CCDC69: variants seen among roughly 807,000 people sequenced by gnomAD.
CCDC69 encodes coiled-coil domain-containing protein 69.
A neutral mutation model predicts 40.3 loss-of-function variants in CCDC69; 38 were observed. The observed-to-expected ratio is 0.94, with a 90% confidence interval of 0.73 to 1.24. The LOEUF (loss-of-function observed/expected upper bound fraction) is 1.24. Among genes scored for constraint, CCDC69 ranks in the 50% most tolerant of loss-of-function variants. The pLI is 0.00. For missense variants in CCDC69, 389 were observed against 357.9 expected (o/e 1.09, Z -0.70); for synonymous variants, 141 against 138.9 (o/e 1.02, Z -0.11).
intron 1 of CCDC69, among the ~76,000 whole-genome samples, chr5:151,219,718 A>C (rs1167697926): frequency 6.6e-6 from 1 of 152,208 alleles, no homozygotes; most frequent in Non-Finnish European, 1.5e-5. Flanking sequence ...GCTATCTCTT[A>C]ATTGTGAGAT....
intron 2 of CCDC69, among the ~76,000 whole-genome samples, chr5:151,201,932 T>G (rs970066741): frequency 6.6e-6 from 1 of 151,978 alleles, no homozygotes; most frequent in Non-Finnish European, 1.5e-5. Context: ...GCCTCAAGAA[T>G]GATTTCGAGT....
intron 1 of CCDC69, among the ~76,000 whole-genome samples, chr5:151,207,116 G>C (rs897883143): frequency 6.6e-6 from 1 of 151,670 alleles, no homozygotes; most frequent in Non-Finnish European, 1.5e-5. Flanking sequence ...ATGGGGTTTC[G>C]CCATGTTGGC....
chr5:151,223,847 G>T lies in CCDC69; in HGVS notation c.48+76C>A, dbSNP rs1561607585. ...GGGCCGACCAGAGAGAGCCCGGGGC[G>T]CCGAGTCCTCTGCGGCGGAGCGATT... On this transcript the variant is annotated intron_variant, in intron 1 of 8. Coordinates refer to ENST00000355417, the MANE Select transcript of CCDC69 (RefSeq NM_015621.3). 9.7e-6 allele frequency: 14 copies of T among 1,442,052 alleles called. No homozygotes were observed. The South Asian group carries it at 1.3e-4, about 13-fold the overall frequency. 89.3% of individuals were successfully genotyped at this position (1,442,052 alleles called of 1,614,324 possible).
Position 151,184,395 on chromosome 5 carries a change from T to C in CCDC69, c.662A>G (p.Gln221Arg). Residue 221 changes from glutamine to arginine, a missense_variant, in exon 8 of 9, where the codon CAG (glutamine) becomes CGG (arginine). Transcript: ENST00000355417. ...ILEEKITTLQ[Q>R]ENEDLHVRSR... The stretch of plus-strand genomic sequence containing the variant: ...TCGGACATGGAGGTCCTCATTTTCC[T>C]GTTGCAGGGTCGTAATTTTTTCCTC... The C allele has an allele frequency of 6.2e-7, 1 of 1,614,144 alleles. No individual in the cohort carries two copies.
chr5:151,201,637 T>C lies in CCDC69; in HGVS notation c.176A>G (p.Asp59Gly), dbSNP rs767921227. ...ATGTTGCTGGAGAATTCTGGTTATA[T>C]CCTTCTGGTGCCGCTCAGCCTCCTC... Reference protein sequence around the residue: ...ASEEAERHQKDITRILQQHEE... With the variant: ...ASEEAERHQKGITRILQQHEE... Residue 59 changes from aspartate to glycine, a missense_variant, in exon 3 of 9, where the codon GAT becomes GGT. Physicochemically the swap from Asp to Gly is moderately conservative, Grantham distance 94. Transcript: ENST00000355417. 1 of 1,613,780 alleles carries C rather than the reference T, an allele frequency of 6.2e-7. No homozygotes were observed. Among genetic ancestry groups the C allele is most frequent in the Non-Finnish European group, 8.5e-7 (1 of 1,179,836 alleles).
Position 151,201,578 on chromosome 5 carries a change from T to C in CCDC69, c.231+4A>G, listed in dbSNP as rs368362261. 11 of 1,604,442 alleles carry C rather than the reference T, an allele frequency of 6.9e-6. No individual in the cohort carries two copies. The highest frequency in any genetic ancestry group is 9.4e-6 in the Non-Finnish European group (11 of 1,172,040). On this transcript the variant is annotated splice_donor_region_variant and intron_variant, in intron 3 of 8. Transcript: ENST00000355417. ...AGACAGGGGGTGGGGGCACCTGGACTTACCTGTTGTGCCCATTTCTTCTTT... is the reference window on the plus strand; with the variant it reads ...AGACAGGGGGTGGGGGCACCTGGACCTACCTGTTGTGCCCATTTCTTCTTT...
In CCDC69 at chr5:151,199,075, C is replaced by G. The variant is rs559088110; in HGVS notation, c.241G>C (p.Glu81Gln). The G allele has an allele frequency of 6.2e-7, 1 of 1,613,774 alleles. No individual in the cohort carries two copies. The highest frequency in any genetic ancestry group is 2.2e-5 in the East Asian group (1 of 44,878). ...KKKWAQQVEK[E>Q]RELELRDRLD... Reference sequence around the variant, plus strand: ...CTGTCTCGAAGCTCTAGCTCCCTTTCCTTCTCCACCTGGGGGCAGAGAGTC... The same window carrying G: ...CTGTCTCGAAGCTCTAGCTCCCTTTGCTTCTCCACCTGGGGGCAGAGAGTC... The change falls in exon 4 of 9, where the codon GAA becomes CAA. Residue 81 changes from glutamate to glutamine, a missense_variant. Physicochemically the swap from Glu to Gln is conservative, Grantham distance 29. Transcript: ENST00000355417.
chr5:151,196,981 G>A (rs1424429339), intron 4 of CCDC69, among the ~76,000 whole-genome samples: 1 of 152,228 alleles, frequency 6.6e-6, no homozygotes, highest in Non-Finnish European at 1.5e-5. Flanking sequence ...AACTGATGAT[G>A]AATGGGTAGA....
intron 1 of CCDC69, among the ~76,000 whole-genome samples, chr5:151,213,427 T>G: frequency 6.9e-6 from 1 of 145,444 alleles, no homozygotes; most frequent in East Asian, 2.1e-4. Context: ...TTTTTTTTTG[T>G]ATTTTTTGTG....
intron 5 of CCDC69, among the ~76,000 whole-genome samples, chr5:151,186,385 G>A (rs1168585190): frequency 3.6e-5 from 5 of 139,024 alleles, no homozygotes; most frequent in African/African-American, 1.0e-4. Flanking sequence ...GAGGGGAGGG[G>A]GACGGGAGGG....
intron 7 of CCDC69, chr5:151,184,820 T>C (rs1454250735): frequency 5.7e-6 from 1 of 173,934 alleles, no homozygotes; most frequent in Non-Finnish European, 1.2e-5. Flanking sequence ...TTTGAGATGA[T>C]CTGATTAAAA....
Position 151,182,808 on chromosome 5 carries a change from G to A in CCDC69, c.*629C>T. The A allele has an allele frequency of 2.9e-6, 1 of 342,302 alleles. No individual in the cohort carries two copies. The highest frequency in any genetic ancestry group is 5.8e-6 in the Non-Finnish European group (1 of 172,244). 21.2% of individuals were successfully genotyped at this position (342,302 alleles called of 1,614,324 possible). ...GATGCCTCAGCTGGGGAGGCTGCCT[G>A]GCCCTGTCAGCCCCAAGGGCCTTCA... On this transcript the variant is annotated 3_prime_UTR_variant, in exon 9 of 9. Transcript: ENST00000355417.
intron 4 of CCDC69, among the ~76,000 whole-genome samples, chr5:151,196,010 G>C (rs1561600245): frequency 6.6e-6 from 1 of 152,174 alleles, no homozygotes; most frequent in Non-Finnish European, 1.5e-5. Flanking sequence ...AAGAAATAAG[G>C]AAAGCCATGT....
rs1184205331 is a variant in CCDC69 at position 151,183,111 on chromosome 5, T to C, written c.*326A>G. ...CAGGGGCTGTCTCCTTTATGTCAAA[T>C]GGCCAGCGTGACACAGACTGCCCCT... On this transcript the variant is annotated 3_prime_UTR_variant, in exon 9 of 9. Transcript: ENST00000355417. The C allele has an allele frequency of 3.9e-6, 2 of 509,942 alleles. No homozygotes were observed. The highest frequency in any genetic ancestry group is 5.4e-5 in the East Asian group (1 of 18,628). The allele number at this position is 509,942 out of a possible 1,614,324, so 31.6% of individuals were successfully genotyped here. A position where few individuals can be genotyped will look rare whatever the true frequency, so the allele number is the denominator to read the frequency against.
chr5:151,185,968 C>A lies in CCDC69; in HGVS notation c.495+55G>T. On this transcript the variant is annotated intron_variant, in intron 6 of 8. Transcript: ENST00000355417. Reference sequence around the variant, plus strand: ...GGGGCTGGTCTTTCCTGTTGCCCGGCCCTGACCTCCCTGGAGATTCAAGGA... The same window carrying A: ...GGGGCTGGTCTTTCCTGTTGCCCGGACCTGACCTCCCTGGAGATTCAAGGA... 7 of 1,238,296 alleles carry A rather than the reference C, an allele frequency of 5.7e-6. No individual in the cohort carries two copies. The South Asian group carries it at 7.2e-5, about 13-fold the overall frequency. The allele number at this position is 1,238,296 out of a possible 1,614,324, so 76.7% of individuals were successfully genotyped here.
intron 1 of CCDC69, among the ~76,000 whole-genome samples, chr5:151,219,327 C>T (rs1753102015): frequency 1.3e-5 from 2 of 152,140 alleles, no homozygotes; most frequent in South Asian, 4.1e-4. Flanking sequence ...ACCCCCGCCC[C>T]CCTTCTAAAC....
chr5:151,196,212 T>A (rs10057323), intron 4 of CCDC69, among the ~76,000 whole-genome samples: 43,238 of 152,106 alleles, frequency 0.28, 6,606 homozygotes, highest in African/African-American at 0.4. Flanking sequence ...AGTACAGTGG[T>A]GAGATCTTGG....
intron 1 of CCDC69, among the ~76,000 whole-genome samples, chr5:151,213,798 T>C (rs185227124): frequency 1.3e-5 from 2 of 152,358 alleles, no homozygotes; most frequent in Non-Finnish European, 2.9e-5. Flanking sequence ...GTCCTCATTG[T>C]TCCTGCTTAA....
intron 2 of CCDC69, among the ~76,000 whole-genome samples, 176 bp downstream of exon 2, chr5:151,205,224 T>C (rs1346912626): frequency 1.3e-5 from 2 of 152,210 alleles, no homozygotes; most frequent in Admixed American, 6.5e-5. Flanking sequence ...CAGCCTAGAA[T>C]AGGGAAGCAC....
Sources: gnomAD v4.1 joint callset for allele counts (sites outside exome capture counted in the v4.1 genomes callset) on GRCh38, gnomAD v4.1.1 for gene constraint, MANE v1.5 for transcripts, NCBI Gene and HGNC (gene_info 2026-07-23, HGNC 2026-07-21) for gene names.